AGAP1: variants seen among roughly 807,000 people sequenced by gnomAD.
The protein encoded by AGAP1 is ArfGAP with GTPase domain, ankyrin repeat and PH domain 1.
AGAP1 carries 29 observed loss-of-function variants against 105.3 expected under a neutral mutation model. That is an observed-to-expected ratio of 0.28 (90% CI 0.21 to 0.38). The LOEUF is 0.38. Ranked by LOEUF, AGAP1 falls within the 10% of genes least tolerant of loss-of-function variation. AGAP1 has a pLI of 1.00. For missense variants in AGAP1, 998 were observed against 1,165.1 expected (o/e 0.86, Z 2.09); for synonymous variants, 509 against 485.9 (o/e 1.05, Z -0.63).
At chr2:235,950,649 C>T (rs972115632) in intron 12 of AGAP1, among the ~76,000 whole-genome samples, 3 of 151,964 alleles carry the variant, frequency 2.0e-5, no homozygotes, top group African/African-American at 7.3e-5. Flanking sequence ...ATTCTGCTTC[C>T]TGCCGCATCC....
intron 16 of AGAP1, among the ~76,000 whole-genome samples, chr2:236,103,093 A>G (rs866323469): frequency 1.4e-5 from 2 of 143,400 alleles, no homozygotes; most frequent in African/African-American, 5.2e-5. Context: ...CGTGACTCCC[A>G]GAAGACTCAG....
At chr2:235,591,547 C>T (rs1217963053) in intron 1 of AGAP1, among the ~76,000 whole-genome samples, 1 of 152,140 alleles carries the variant, frequency 6.6e-6, no homozygotes, top group Non-Finnish European at 1.5e-5. Context: ...TGTTTGACCT[C>T]GAGTTTGGGA....
intron 10 of AGAP1, among the ~76,000 whole-genome samples, chr2:235,903,286 G>A (rs1317429936): frequency 6.6e-6 from 1 of 151,776 alleles, no homozygotes; most frequent in Non-Finnish European, 1.5e-5. Context: ...ATACTTTTTT[G>A]AAGTATACGT....
chr2:236,027,886 C>T lies in AGAP1; in HGVS notation c.1646-8675C>T, dbSNP rs1226599140. ...CATACACGTCAGAGACAGACCATACCCAAGGATCACAGAGATGGCACAGCT... is the reference window on the plus strand; with the variant it reads ...CATACACGTCAGAGACAGACCATACTCAAGGATCACAGAGATGGCACAGCT... On this transcript the variant is annotated intron_variant, in intron 13 of 17. Coordinates refer to ENST00000304032, the MANE Select transcript of AGAP1 (RefSeq NM_001037131.3). The surrounding 1 kb of genome is among the most constrained non-coding windows in gnomAD (Gnocchi z 4.4). 6.6e-6 allele frequency among the ~76,000 whole-genome samples: 1 copy of T among 152,068 alleles called. No homozygotes were observed. The highest frequency in any genetic ancestry group is 2.4e-5 in the African/African-American group (1 of 41,406).
chr2:235,898,800 G>A (rs1278002580), intron 10 of AGAP1, among the ~76,000 whole-genome samples: 1 of 152,184 alleles, frequency 6.6e-6, no homozygotes, highest in African/African-American at 2.4e-5. Flanking sequence ...GGCCCCCAGT[G>A]TGCAACTCGG....
chr2:235,793,759 G>C lies in AGAP1; in HGVS notation c.674-4000G>C, dbSNP rs147240923. Reference sequence around the variant, plus strand: ...CAAGGGCTATTCCTTGCCTCATTTTGTGTGATTTAGAAACAAGATGGAAGT... The same window carrying C: ...CAAGGGCTATTCCTTGCCTCATTTTCTGTGATTTAGAAACAAGATGGAAGT... On this transcript the variant is annotated intron_variant, in intron 6 of 17. Coordinates refer to ENST00000304032, the MANE Select transcript of AGAP1 (RefSeq NM_001037131.3). The surrounding 1 kb of genome is among the most constrained non-coding windows in gnomAD (Gnocchi z 5.3). 6.2e-3 allele frequency among the ~76,000 whole-genome samples: 951 copies of C among 152,230 alleles called. 11 individuals are homozygous for C. The highest frequency in any genetic ancestry group is 0.021 in the African/African-American group (892 of 41,532).
chr2:235,915,491 C>T (rs1183440043), intron 11 of AGAP1, among the ~76,000 whole-genome samples: 1 of 151,780 alleles, frequency 6.6e-6, no homozygotes, highest in Non-Finnish European at 1.5e-5. Context: ...TTAATCTAGG[C>T]AACATGGTGA....
Position 235,695,092 on chromosome 2 carries a change from G to A in AGAP1, c.164-14087G>A, listed in dbSNP as rs558169356. On this transcript the variant is annotated intron_variant, in intron 1 of 17. Transcript: ENST00000304032. ...AATCTTTGACATTCATGGTGTGAAG[G>A]ATGAGAAGCTGGGAAATAACAAGGA... 1.1e-3 allele frequency among the ~76,000 whole-genome samples: 166 copies of A among 152,336 alleles called. 1 individual carries two copies. In the South Asian group the frequency reaches 0.013, roughly 12 times the overall value.
intron 1 of AGAP1, among the ~76,000 whole-genome samples, chr2:235,538,460 T>TGTGTGC (rs1553561884): frequency 1.1e-4 from 16 of 150,558 alleles, no homozygotes; most frequent in African/African-American, 3.5e-4. Context: ...TGTGTGTGTG[T>TGTGTGC]GCATGCTTGT....
At chr2:235,671,257 T>C (rs1178537061) in intron 1 of AGAP1, among the ~76,000 whole-genome samples, 2 of 152,206 alleles carry the variant, frequency 1.3e-5, no homozygotes, top group Admixed American at 1.3e-4. Context: ...TGGCTGTGCG[T>C]GCTGGTGCCC....
chr2:236,041,950 G>A (rs1044144995), intron 15 of AGAP1, among the ~76,000 whole-genome samples: 1 of 152,208 alleles, frequency 6.6e-6, no homozygotes, highest in Non-Finnish European at 1.5e-5. Flanking sequence ...CAAAGGGAGT[G>A]GCTTGAGGAG....
chr2:236,028,710 TG>T (rs2057131707), intron 13 of AGAP1, among the ~76,000 whole-genome samples: 1 of 152,216 alleles, frequency 6.6e-6, no homozygotes, highest in Non-Finnish European at 1.5e-5. Flanking sequence ...CCCTTATTTT[TG>T]ACTTAATACA....
In AGAP1 at chr2:235,622,127, CT is replaced by C. The variant is rs374529201; in HGVS notation, c.164-87042del. On this transcript the variant is annotated intron_variant, in intron 1 of 17. Coordinates refer to ENST00000304032, the MANE Select transcript of AGAP1 (RefSeq NM_001037131.3). The surrounding 1 kb of genome is among the most constrained non-coding windows in gnomAD (Gnocchi z 5.0). ...GTTACATGCAGACATCCAAAATAAA[CT>C]TTTTTTTTTCTGTACAAAATTAGAT... 6.7e-3 allele frequency among the ~76,000 whole-genome samples: 1,017 copies of C among 150,734 alleles called. 15 individuals are homozygous for C. Among genetic ancestry groups the C allele is most frequent in the African/African-American group, 0.024 (968 of 41,136 alleles).
chr2:235,686,875 G>C (rs947947840), intron 1 of AGAP1, among the ~76,000 whole-genome samples: 3 of 150,270 alleles, frequency 2.0e-5, no homozygotes, highest in Non-Finnish European at 4.4e-5. Flanking sequence ...TGCTGCCCAG[G>C]CTGGTCTCAG....
intron 9 of AGAP1, among the ~76,000 whole-genome samples, chr2:235,868,266 A>T (rs1486160951): frequency 7.9e-5 from 12 of 151,936 alleles, no homozygotes; most frequent in Non-Finnish European, 2.9e-5. Context: ...AACTTTTTTT[A>T]AAAAACTTGG....
intron 14 of AGAP1, among the ~76,000 whole-genome samples, chr2:236,039,098 A>G (rs1055250548): frequency 4.6e-5 from 7 of 152,262 alleles, no homozygotes; most frequent in African/African-American, 1.2e-4. Flanking sequence ...AAATTGATCA[A>G]TTTTTGCTTT....
chr2:236,039,660 A>T (rs2057487511), intron 14 of AGAP1, among the ~76,000 whole-genome samples: 2 of 152,248 alleles, frequency 1.3e-5, no homozygotes, highest in African/African-American at 4.8e-5. Flanking sequence ...CTATGCAGCC[A>T]TTTAAAATGA....
intron 1 of AGAP1, among the ~76,000 whole-genome samples, chr2:235,677,108 C>T (rs761765082): frequency 6.6e-6 from 1 of 152,198 alleles, no homozygotes; most frequent in African/African-American, 2.4e-5. Context: ...TTCACGTTTG[C>T]TAGTTCTCTC....
chr2:235,933,236 G>A (rs1169816231), intron 12 of AGAP1, among the ~76,000 whole-genome samples: 1 of 152,156 alleles, frequency 6.6e-6, no homozygotes, highest in Non-Finnish European at 1.5e-5. Context: ...AAAACAGCAG[G>A]AGGAAGTTAT....
Sources: gnomAD v4.1 joint callset for allele counts (sites outside exome capture counted in the v4.1 genomes callset) on GRCh38, gnomAD v4.1.1 for gene constraint, Gnocchi (gnomAD v3.1) non-coding constraint, MANE v1.5 for transcripts, NCBI Gene and HGNC (gene_info 2026-07-23, HGNC 2026-07-21) for gene names.